Variants in HTR1F observed in about 807,000 individuals in gnomAD.
HTR1F encodes the protein 5-hydroxytryptamine (serotonin) receptor 1F, G protein-coupled.
HTR1F carries 17 observed loss-of-function variants against 24.0 expected under a neutral mutation model. The observed-to-expected ratio is 0.71, with a 90% CI of 0.48 to 1.06. The LOEUF (loss-of-function observed/expected upper bound fraction) is 1.06, where lower values mean the gene tolerates loss of function less well. HTR1F is among the 50% of genes least tolerant of loss of function. The pLI, the probability that HTR1F is intolerant of heterozygous loss-of-function variation, is 0.00. For missense variants in HTR1F, 391 were observed against 427.8 expected (o/e 0.91, Z 0.76); for synonymous variants, 186 against 156.8 (o/e 1.19, Z -1.39).
intron 2 of HTR1F, among the ~76,000 whole-genome samples, chr3:87,945,859 C>T (rs1003705832): frequency 1.1e-4 from 16 of 151,880 alleles, no homozygotes; most frequent in Admixed American, 2.6e-4. Flanking sequence ...AAAATGTTAC[C>T]GGGGGGGTCC....
intron 2 of HTR1F, among the ~76,000 whole-genome samples, chr3:87,985,805 A>G (rs1408583815): frequency 6.6e-6 from 1 of 152,260 alleles, no homozygotes; most frequent in Non-Finnish European, 1.5e-5. Flanking sequence ...AGGAGCTAAT[A>G]ATTTAATCTT....
chr3:87,849,352 T>TG (rs1464639582), intron 2 of HTR1F, among the ~76,000 whole-genome samples: 1 of 151,430 alleles, frequency 6.6e-6, no homozygotes, highest in East Asian at 1.9e-4. Context: ...AAACAAGCAA[T>TG]GGGGAAAGGA....
At chr3:87,932,796 C>T (rs1264222788) in intron 2 of HTR1F, among the ~76,000 whole-genome samples, 1 of 151,956 alleles carries the variant, frequency 6.6e-6, no homozygotes, top group Non-Finnish European at 1.5e-5. Flanking sequence ...TGGTACCATT[C>T]CTTCTAAAGC....
chr3:87,946,453 A>G (rs1429277146), intron 2 of HTR1F, among the ~76,000 whole-genome samples: 2 of 152,102 alleles, frequency 1.3e-5, no homozygotes, highest in Non-Finnish European at 2.9e-5. Flanking sequence ...ACATTTTCTA[A>G]TAGGCAAAAA....
chr3:87,930,739 G>T (rs1271351205), intron 2 of HTR1F, among the ~76,000 whole-genome samples: 2 of 151,896 alleles, frequency 1.3e-5, no homozygotes, highest in Non-Finnish European at 2.9e-5. Flanking sequence ...AGGATTAAAT[G>T]AATCAATCAT....
At chr3:87,866,269 T>C (rs1230755865) in intron 2 of HTR1F, among the ~76,000 whole-genome samples, 3 of 152,292 alleles carry the variant, frequency 2.0e-5, no homozygotes, top group Non-Finnish European at 4.4e-5. Flanking sequence ...GCTACGAACA[T>C]ATGCCCCATC....
At position 87,927,500 on chromosome 3, in the gene HTR1F, C is replaced by T. The variant is rs190650522; in HGVS notation, c.-42-63208C>T. ...TCAGGCTTCAATTGATCTCTACAGT[C>T]ACACCAAAAAAATGTATATTATATT... On this transcript the variant is annotated intron_variant, in intron 2 of 2. Coordinates refer to ENST00000319595, the MANE Select transcript of HTR1F (RefSeq NM_001322209.2). 2.2e-3 allele frequency among the ~76,000 whole-genome samples: 328 copies of T among 152,018 alleles called. 1 individual carries two copies. Among genetic ancestry groups the T allele is most frequent in the African/African-American group, 7.7e-3 (318 of 41,478 alleles).
rs547996081 is a variant in HTR1F at position 87,839,057 on chromosome 3, T to C, written c.-43+16933T>C. On this transcript the variant is annotated intron_variant, in intron 2 of 2. Coordinates refer to ENST00000319595, the MANE Select transcript of HTR1F (RefSeq NM_001322209.2). ...TTTTTGCTGTCTAGAAGCCTTTTAG[T>C]TTGATTTAATCTTTTTATTTTCTTT... Among the ~76,000 whole-genome samples the C allele has an allele frequency of 7.7e-3, 1,172 of 151,478 alleles. 10 individuals carry two copies. Among genetic ancestry groups the C allele is most frequent in the Non-Finnish European group, 0.013 (866 of 67,782 alleles).
chr3:87,836,921 T>C (rs1704694982), intron 2 of HTR1F, among the ~76,000 whole-genome samples: 1 of 152,080 alleles, frequency 6.6e-6, no homozygotes, highest in Non-Finnish European at 1.5e-5. Flanking sequence ...AAGTTATTAA[T>C]ATAGTATCAT....
chr3:87,840,607 A>G (rs1704781469), intron 2 of HTR1F, among the ~76,000 whole-genome samples: 2 of 152,244 alleles, frequency 1.3e-5, no homozygotes, highest in South Asian at 4.1e-4. Context: ...AGTATACCCA[A>G]AGTACTTGAA....
At chr3:87,799,021 T>A (rs1204893612) in intron 1 of HTR1F, among the ~76,000 whole-genome samples, 1 of 152,118 alleles carries the variant, frequency 6.6e-6, no homozygotes, top group African/African-American at 2.4e-5. Context: ...TAGGAAAAAA[T>A]GAAAATAAAA....
At chr3:87,819,321 C>A (rs1187590802) in intron 1 of HTR1F, among the ~76,000 whole-genome samples, 2 of 151,470 alleles carry the variant, frequency 1.3e-5, no homozygotes, top group Non-Finnish European at 2.9e-5. Context: ...GTATACAAAT[C>A]CCATTGTTAT....
At chr3:87,856,855 A>G (rs1237873436) in intron 2 of HTR1F, among the ~76,000 whole-genome samples, 1 of 152,174 alleles carries the variant, frequency 6.6e-6, no homozygotes, top group Admixed American at 6.6e-5. Context: ...CTGTTTTTAT[A>G]TAATCTAATC....
At chr3:87,887,865 T>C (rs902908013) in intron 2 of HTR1F, among the ~76,000 whole-genome samples, 6 of 151,998 alleles carry the variant, frequency 3.9e-5, no homozygotes, top group Admixed American at 6.6e-5. Flanking sequence ...TTTTACACTG[T>C]TGGTGGGACT....
chr3:87,902,325 C>A, intron 2 of HTR1F, among the ~76,000 whole-genome samples: 1 of 152,072 alleles, frequency 6.6e-6, no homozygotes, highest in Non-Finnish European at 1.5e-5. Flanking sequence ...GGAAGTTATT[C>A]TTTTCATGAA....
At chr3:87,885,468 C>T (rs1705914731) in intron 2 of HTR1F, among the ~76,000 whole-genome samples, 1 of 151,952 alleles carries the variant, frequency 6.6e-6, no homozygotes, top group Non-Finnish European at 1.5e-5. Flanking sequence ...CAAAAGCGAG[C>T]AGAAGGCAAG....
intron 2 of HTR1F, among the ~76,000 whole-genome samples, chr3:87,877,126 A>C (rs1199159951): frequency 6.6e-6 from 1 of 152,180 alleles, no homozygotes; most frequent in African/African-American, 2.4e-5. Flanking sequence ...ATAGAAGCAT[A>C]CAAGATTTGT....
intron 2 of HTR1F, among the ~76,000 whole-genome samples, chr3:87,939,121 T>A (rs769233137): frequency 6.6e-6 from 1 of 152,176 alleles, no homozygotes; most frequent in Non-Finnish European, 1.5e-5. Flanking sequence ...TCTGCATCTA[T>A]TGAGATAATC....
At chr3:87,927,587 T>C (rs1704158186) in intron 2 of HTR1F, among the ~76,000 whole-genome samples, 2 of 152,172 alleles carry the variant, frequency 1.3e-5, no homozygotes, top group African/African-American at 4.8e-5. Context: ...TTTATAGAGC[T>C]ATCTTTATTT....
Sources: allele counts gnomAD v4.1 joint callset (sites outside exome capture counted in the v4.1 genomes callset), GRCh38; gene constraint gnomAD v4.1.1; transcripts MANE v1.5; gene names NCBI Gene and HGNC (gene_info 2026-07-23, HGNC 2026-07-21).